The following ATXN3 variants were observed in gnomAD, a reference collection of about 807,000 sequenced individuals.
ATXN3 encodes ataxin-3.
Under a neutral mutation model 58.2 loss-of-function variants are expected in ATXN3, and 28 were observed. That is an observed-to-expected ratio of 0.48 (90% CI 0.36 to 0.66). The LOEUF is 0.66. ATXN3 is among the 30% of genes least tolerant of loss of function. The pLI, the probability that ATXN3 is intolerant of heterozygous loss-of-function variation, is 0.00. For missense variants in ATXN3, 321 were observed against 422.1 expected (o/e 0.76, Z 2.10); for synonymous variants, 113 against 138.5 (o/e 0.82, Z 1.29).
chr14:92,064,280 T>C lies in ATXN3; in HGVS notation c.*40A>G. 2 of 1,408,904 alleles carry C rather than the reference T, an allele frequency of 1.4e-6. No homozygotes were observed. Among genetic ancestry groups the C allele is most frequent in the Non-Finnish European group, 2.0e-6 (2 of 1,000,900 alleles). The allele number at this position is 1,408,904 out of a possible 1,614,324, so 87.3% of individuals were successfully genotyped here. A position where few individuals can be genotyped will look rare whatever the true frequency, so the allele number is the denominator to read the frequency against. ...CCTATGCTGTAATCACACAGGATAA[T>C]GTTGGAAAGTATGAATATCTAAATT... On this transcript the variant is annotated 3_prime_UTR_variant, in exon 11 of 11. Coordinates refer to ENST00000644486, the MANE Select transcript of ATXN3 (RefSeq NM_004993.6).
intron 2 of ATXN3, among the ~76,000 whole-genome samples, chr14:92,047,294 G>A (rs541576305): frequency 2.0e-4 from 31 of 152,384 alleles, no homozygotes; most frequent in Admixed American, 1.4e-3. Context: ...CAATTTGGTT[G>A]ATAAGATCCA....
downstream of ATXN3, among the ~76,000 whole-genome samples, chr14:92,054,179 C>A (rs1053283187): frequency 6.6e-6 from 1 of 152,138 alleles, no homozygotes; most frequent in African/African-American, 2.4e-5. Context: ...TGTGATCCAC[C>A]CGCCTCAACC....
intron 1 of ATXN3, among the ~76,000 whole-genome samples, chr14:92,102,632 C>G (rs1317054285): frequency 6.6e-6 from 1 of 152,210 alleles, no homozygotes; most frequent in East Asian, 1.9e-4. Context: ...TGAGGTTCAG[C>G]AAACACAAGC....
At chr14:92,099,886 AC>A (rs112205087) in intron 1 of ATXN3, among the ~76,000 whole-genome samples, 40,966 of 148,112 alleles carry the variant, frequency 0.28, 5,848 homozygotes, top group Admixed American at 0.36. Context: ...GACAAGAAAG[AC>A]AAGAAAGAAA....
At chr14:92,058,124 G>C (rs994085790), downstream of ATXN3, among the ~76,000 whole-genome samples, 1 of 152,206 alleles carries the variant, frequency 6.6e-6, no homozygotes, top group African/African-American at 2.4e-5. Context: ...CAGTAAGCTG[G>C]AATAGAATAT....
intron 9 of ATXN3, 196 bp from the exon 10 acceptor site, chr14:92,071,249 C>T (rs2059400365): frequency 2.2e-6 from 2 of 919,808 alleles, no homozygotes; most frequent in African/African-American, 1.6e-5. Context: ...GAAATCTAGA[C>T]ATAAAATTTA....
chr14:92,086,131 G>A lies in ATXN3; in HGVS notation c.475+2599C>T, dbSNP rs1044077443. On this transcript the variant is annotated intron_variant, in intron 6 of 10. Coordinates refer to ENST00000644486, the MANE Select transcript of ATXN3 (RefSeq NM_004993.6). ...AAATACCATTACTAAAAGATGGCTA[G>A]GCAAGGTGACTCACGCCTGTAATCC... is the stretch of plus-strand genomic sequence containing the variant. 2.0e-5 allele frequency among the ~76,000 whole-genome samples: 3 copies of A among 152,044 alleles called. No homozygotes were observed. The East Asian group carries it at 5.8e-4, about 29-fold the overall frequency.
chr14:92,075,715 C>T (rs1018762471), intron 9 of ATXN3, among the ~76,000 whole-genome samples: 1 of 152,112 alleles, frequency 6.6e-6, no homozygotes, highest in African/African-American at 2.4e-5. Flanking sequence ...AAAGACAGAA[C>T]CTAGAGAGAC....
intron 6 of ATXN3, among the ~76,000 whole-genome samples, chr14:92,085,263 T>C (rs1273349058): frequency 1.3e-5 from 2 of 151,984 alleles, no homozygotes; most frequent in Non-Finnish European, 2.9e-5. Context: ...CTTGGCTCGC[T>C]GTAACCTCTG....
Position 92,106,554 on chromosome 14 carries a change from T to C in ATXN3, c.-2A>G, listed in dbSNP as rs1197353041. On this transcript the variant is annotated 5_prime_UTR_variant, in exon 1 of 11. Transcript: ENST00000644486. ...TTTCTCGTGGAAGATGGACTCCATG[T>C]TTATTTGTCTGGAGCCAACGGCCCC... is the stretch of plus-strand genomic sequence containing the variant. 2 of 1,612,934 alleles carry C rather than the reference T, an allele frequency of 1.2e-6. No individual in the cohort carries two copies. The highest frequency in any genetic ancestry group is 3.3e-5 in the Admixed American group (2 of 59,990).
In ATXN3 at chr14:92,098,586, T is replaced by A. The variant is rs55937802; in HGVS notation, c.25-1748A>T. Among the ~76,000 whole-genome samples, 323 of 152,108 alleles carry A rather than the reference T, an allele frequency of 2.1e-3. 2 individuals carry two copies. The highest frequency in any genetic ancestry group is 7.4e-3 in the African/African-American group (305 of 41,480). ...CTGGGTAACAGAGCAAGACTCTGTC[T>A]CCAAAAATAAAAATAAAAAAATCTC... is the stretch of plus-strand genomic sequence containing the variant. On this transcript the variant is annotated intron_variant, in intron 1 of 10. Coordinates refer to ENST00000644486, the MANE Select transcript of ATXN3 (RefSeq NM_004993.6).
At position 92,104,878 on chromosome 14, in the gene ATXN3, C is replaced by T. The variant is rs907905587; in HGVS notation, c.24+1651G>A. 4.0e-5 allele frequency among the ~76,000 whole-genome samples: 6 copies of T among 148,498 alleles called. No individual in the cohort carries two copies. The Admixed American group carries it at 4.1e-4, about 10-fold the overall frequency. On this transcript the variant is annotated intron_variant, in intron 1 of 10. Transcript: ENST00000644486. The stretch of plus-strand genomic sequence containing the variant: ...CGGAGGTTGCAGTGAGCCATGATGG[C>T]GCCATTGCACTCCAGCCTGGGTGAC...
intron 8 of ATXN3, among the ~76,000 whole-genome samples, chr14:92,082,037 A>C (rs2295175): frequency 0.29 from 43,839 of 152,132 alleles, 6,737 homozygotes; most frequent in East Asian, 0.44. Context: ...CAAAGATTAA[A>C]ACCACAATTT....
At chr14:92,068,505 C>T (rs1217869576) in intron 10 of ATXN3, among the ~76,000 whole-genome samples, 11 of 152,152 alleles carry the variant, frequency 7.2e-5, no homozygotes, top group Non-Finnish European at 5.9e-5. Context: ...AAAGAAAATC[C>T]AGTCCACTCC....
At chr14:92,079,729 A>G (rs1159868335) in intron 9 of ATXN3, among the ~76,000 whole-genome samples, 2 of 152,226 alleles carry the variant, frequency 1.3e-5, no homozygotes, top group East Asian at 3.9e-4. Flanking sequence ...AATCTTTAAC[A>G]TGAAGTTTTC....
chr14:92,097,947 T>C (rs1197012362), intron 1 of ATXN3, among the ~76,000 whole-genome samples: 1 of 152,140 alleles, frequency 6.6e-6, no homozygotes, highest in Non-Finnish European at 1.5e-5. Flanking sequence ...GAAACTATAA[T>C]TACATGATCA....
chr14:92,079,780 C>T (rs1409072133), intron 9 of ATXN3, among the ~76,000 whole-genome samples: 2 of 152,322 alleles, frequency 1.3e-5, no homozygotes, highest in East Asian at 3.9e-4. Context: ...TCTTGTCCCC[C>T]AGGCTGGAGT....
chr14:92,054,873 A>G (rs1425826063), downstream of ATXN3, among the ~76,000 whole-genome samples: 2 of 139,356 alleles, frequency 1.4e-5, no homozygotes, highest in Non-Finnish European at 3.1e-5. Flanking sequence ...CTGTTATATT[A>G]GTTTGTTTTT....
At chr14:92,050,054 T>C (rs981484546), upstream of ATXN3, among the ~76,000 whole-genome samples, 1 of 152,172 alleles carries the variant, frequency 6.6e-6, no homozygotes, top group Non-Finnish European at 1.5e-5. Context: ...AGATGGACTG[T>C]GACTGAAGAA....
Sources: gnomAD v4.1 joint callset for allele counts (sites outside exome capture counted in the v4.1 genomes callset) on GRCh38, gnomAD v4.1.1 for gene constraint, MANE v1.5 for transcripts, NCBI Gene and HGNC (gene_info 2026-07-23, HGNC 2026-07-21) for gene names.